Variants in RIGI observed in about 807,000 individuals in gnomAD.
The protein encoded by RIGI is antiviral innate immune response receptor RIG-I.
the RIGI span, chr9:32,485,469 TC>T: frequency 1.6e-6 from 1 of 632,868 alleles, no homozygotes; most frequent in South Asian, 1.7e-5. Context: ...ATGCAATGGC[TC>T]CCTGTTGCTT....
the RIGI span, among the ~76,000 whole-genome samples, chr9:32,458,132 T>C: frequency 6.6e-6 from 1 of 152,158 alleles, no homozygotes; most frequent in East Asian, 1.9e-4. Flanking sequence ...CCTGAAGTAA[T>C]AACTCCTCAT....
At chr9:32,495,030 G>T in the RIGI span, among the ~76,000 whole-genome samples, 1,626 of 152,088 alleles carry the variant, frequency 0.011, 23 homozygotes, top group African/African-American at 0.036. Context: ...AATTCTTTTG[G>T]AAATACACCA....
the RIGI span, chr9:32,473,194 T>C: frequency 7.9e-6 from 4 of 503,252 alleles, no homozygotes; most frequent in Non-Finnish European, 1.3e-5. Flanking sequence ...CTGACAAACC[T>C]GAGAAAAAAA....
At chr9:32,465,664 G>T in the RIGI span, among the ~76,000 whole-genome samples, 3 of 152,130 alleles carry the variant, frequency 2.0e-5, no homozygotes, top group African/African-American at 7.2e-5. Flanking sequence ...GATAGAACTG[G>T]GATTTGAACC....
the RIGI span, among the ~76,000 whole-genome samples, chr9:32,521,048 G>A: frequency 6.1e-5 from 9 of 148,322 alleles, no homozygotes; most frequent in African/African-American, 2.3e-4. Context: ...GGGAGGTTGA[G>A]GCAGGAGAAT....
the RIGI span, among the ~76,000 whole-genome samples, chr9:32,468,779 G>A: frequency 6.6e-6 from 1 of 152,048 alleles, no homozygotes; most frequent in Non-Finnish European, 1.5e-5. Context: ...CTAATAGTGT[G>A]CACTGTTGGG....
At chr9:32,517,371 T>A in the RIGI span, among the ~76,000 whole-genome samples, 1 of 152,256 alleles carries the variant, frequency 6.6e-6, no homozygotes, top group Non-Finnish European at 1.5e-5. Flanking sequence ...GATCTTTGTG[T>A]GTGTATACAT....
the RIGI span, among the ~76,000 whole-genome samples, chr9:32,512,103 G>A: frequency 3.7e-4 from 57 of 152,234 alleles, no homozygotes; most frequent in Non-Finnish European, 5.7e-4. Flanking sequence ...AAAAGCCCAG[G>A]ACCAGATGGA....
the RIGI span, among the ~76,000 whole-genome samples, chr9:32,473,249 T>A: frequency 1.3e-5 from 2 of 151,418 alleles, no homozygotes; most frequent in Admixed American, 6.6e-5. Context: ...TAAAATGGCA[T>A]AGATCTCTGT....
the RIGI span, among the ~76,000 whole-genome samples, chr9:32,466,690 CAAAAAAAAAAAAAAA>C: frequency 7.3e-5 from 5 of 68,616 alleles, no homozygotes; most frequent in Admixed American, 1.9e-4. Context: ...AGACCTATCT[CAAAAAAAAAAAAAAA>C]AAAAAAAAAA....
chr9:32,490,285 G>A, the RIGI span, among the ~76,000 whole-genome samples: 124 of 152,312 alleles, frequency 8.1e-4, no homozygotes, highest in Middle Eastern at 6.8e-3. Context: ...ACTGAGGCAG[G>A]AGAATCACTT....
chr9:32,489,286 C>T, the RIGI span: 2 of 1,280,896 alleles, frequency 1.6e-6, no homozygotes, highest in Non-Finnish European at 2.2e-6. Flanking sequence ...CAGTATTCAA[C>T]AAAAGAAAAA....
At chr9:32,461,480 G>C in the RIGI span, among the ~76,000 whole-genome samples, 2 of 152,326 alleles carry the variant, frequency 1.3e-5, no homozygotes, top group Non-Finnish European at 1.5e-5. Context: ...GGTGGATCCA[G>C]ACAGCCTAGG....
the RIGI span, chr9:32,492,281 G>C: frequency 1.3e-5 from 16 of 1,190,744 alleles, no homozygotes; most frequent in South Asian, 1.7e-4. Context: ...TCTCGCGTTA[G>C]AGATGTAGCT....
chr9:32,519,966 GA>G, the RIGI span, among the ~76,000 whole-genome samples: 1 of 152,114 alleles, frequency 6.6e-6, no homozygotes, highest in African/African-American at 2.4e-5. Context: ...ACTTTATCTA[GA>G]AACCAATCTT....
At chr9:32,464,235 G>A in the RIGI span, among the ~76,000 whole-genome samples, 3 of 150,840 alleles carry the variant, frequency 2.0e-5, no homozygotes, top group East Asian at 2.0e-4. Context: ...CCTTCCTTCC[G>A]TTAAAACCCA....
At chr9:32,499,318 T>TA in the RIGI span, among the ~76,000 whole-genome samples, 1 of 110,608 alleles carries the variant, frequency 9.0e-6, no homozygotes, top group African/African-American at 5.3e-5. Flanking sequence ...TGTGATTTGT[T>TA]TTTTTTTTTT....
chr9:32,466,774 C>A, the RIGI span, among the ~76,000 whole-genome samples: 1 of 150,482 alleles, frequency 6.6e-6, no homozygotes, highest in Non-Finnish European at 1.5e-5. Context: ...TAGGAGCCCA[C>A]CTTAGGCTGG....
At chr9:32,477,122 T>C in the RIGI span, 1 of 1,613,056 alleles carries the variant, frequency 6.2e-7, no homozygotes, top group South Asian at 1.1e-5. Context: ...TTCTAGTTCC[T>C]GCAGCTTTTC....
Sources: gnomAD v4.1 joint callset for allele counts (sites outside exome capture counted in the v4.1 genomes callset) on GRCh38, gnomAD v4.1.1 for gene constraint, MANE v1.5 for transcripts, NCBI Gene and HGNC (gene_info 2026-07-23, HGNC 2026-07-21) for gene names.